Variants in CTNNA2 observed in about 807,000 individuals in gnomAD.
The protein encoded by CTNNA2 is catenin alpha 2, also known as catenin alpha-2.
In CTNNA2, 42 loss-of-function variants were observed where a neutral mutation model predicts 101.0. The ratio of observed to expected loss-of-function variants is 0.42; its 90% confidence interval spans 0.32 to 0.54. The LOEUF is 0.54. Ranked by LOEUF, CTNNA2 falls within the 20% of genes least tolerant of loss-of-function variation. The probability of loss-of-function intolerance (pLI) is 0.14; values close to 1 mark genes in which losing one functional copy is unlikely to be tolerated. For synonymous variants in CTNNA2, 450 were observed against 456.4 expected, an observed-to-expected ratio of 0.99 and a Z score of 0.18; for missense variants, 871 against 1,223.1, an observed-to-expected ratio of 0.71 and a Z score of 4.29.
intron 7 of CTNNA2, among the ~76,000 whole-genome samples, chr2:80,089,698 G>C (rs1233772636): frequency 6.6e-6 from 1 of 151,976 alleles, no homozygotes; most frequent in Non-Finnish European, 1.5e-5. Flanking sequence ...CTCACCCACT[G>C]CCTTCACTAT....
chr2:80,466,473 A>G (rs1684861395), intron 9 of CTNNA2, among the ~76,000 whole-genome samples: 1 of 152,238 alleles, frequency 6.6e-6, no homozygotes, highest in Non-Finnish European at 1.5e-5. Context: ...AAACTTGGCA[A>G]AGCACATTTC....
intron 2 of CTNNA2, among the ~76,000 whole-genome samples, chr2:79,201,471 G>A (rs982310079): frequency 3.3e-5 from 5 of 152,026 alleles, no homozygotes; most frequent in Non-Finnish European, 7.4e-5. Flanking sequence ...AAATGAGCTC[G>A]AATTCCAGAA....
intron 4 of CTNNA2, among the ~76,000 whole-genome samples, chr2:79,503,113 C>T (rs549617562): frequency 6.6e-6 from 1 of 152,212 alleles, no homozygotes; most frequent in East Asian, 1.9e-4. Flanking sequence ...GATTGCTCTG[C>T]CATTTATTTT....
chr2:79,526,363 T>C (rs76506938), intron 1 of CTNNA2, among the ~76,000 whole-genome samples: 1,654 of 152,082 alleles, frequency 0.011, 31 homozygotes, highest in African/African-American at 0.038. Flanking sequence ...AATGGAAATA[T>C]ATGTATGTTC....
intron 9 of CTNNA2, among the ~76,000 whole-genome samples, chr2:80,422,792 T>A (rs1313754737): frequency 6.6e-6 from 1 of 152,184 alleles, no homozygotes; most frequent in Non-Finnish European, 1.5e-5. Context: ...TTCCTTCTAT[T>A]TTTTGGAAGT....
intron 2 of CTNNA2, among the ~76,000 whole-genome samples, chr2:79,288,282 A>G (rs997478547): frequency 6.6e-6 from 1 of 152,060 alleles, no homozygotes; most frequent in Non-Finnish European, 1.5e-5. Flanking sequence ...TTATACTTTT[A>G]TCTTTTTGGT....
At chr2:79,860,861 T>C (rs1297143720) in intron 4 of CTNNA2, among the ~76,000 whole-genome samples, 5 of 152,210 alleles carry the variant, frequency 3.3e-5, no homozygotes, top group East Asian at 1.9e-4. Context: ...TTCTACTCAG[T>C]AGTAGGGAGT....
At chr2:79,223,964 A>T (rs766400543) in intron 2 of CTNNA2, among the ~76,000 whole-genome samples, 4 of 152,224 alleles carry the variant, frequency 2.6e-5, no homozygotes, top group Non-Finnish European at 5.9e-5. Context: ...TTACAGGAAC[A>T]TAATTTTGAA....
intron 3 of CTNNA2, among the ~76,000 whole-genome samples, chr2:79,338,471 G>A (rs761246998): frequency 1.3e-5 from 2 of 151,950 alleles, no homozygotes; most frequent in East Asian, 3.9e-4. Context: ...AAGATGGGAG[G>A]GTGAATGAGA....
At chr2:80,046,583 C>T (rs115496353) in intron 7 of CTNNA2, among the ~76,000 whole-genome samples, 259 of 152,172 alleles carry the variant, frequency 1.7e-3, no homozygotes, top group African/African-American at 5.9e-3. Context: ...TAATTGGAAA[C>T]CCATTATAAA....
intron 1 of CTNNA2, among the ~76,000 whole-genome samples, chr2:79,635,190 C>T (rs1679941212): frequency 6.6e-6 from 1 of 152,046 alleles, no homozygotes; most frequent in African/African-American, 2.4e-5. Context: ...TAGACTTGAA[C>T]TTTTTATTGT....
intron 7 of CTNNA2, among the ~76,000 whole-genome samples, chr2:80,391,484 G>A (rs1249893423): frequency 6.6e-6 from 1 of 152,170 alleles, no homozygotes; most frequent in Non-Finnish European, 1.5e-5. Flanking sequence ...AACTTTTAAT[G>A]TTTGAAAGTA....
chr2:79,723,725 A>G (rs1350420882), intron 2 of CTNNA2, among the ~76,000 whole-genome samples: 1 of 152,156 alleles, frequency 6.6e-6, no homozygotes, highest in Non-Finnish European at 1.5e-5. Flanking sequence ...CAGGAAATGA[A>G]TATATGTGAG....
At chr2:79,729,627 G>A (rs948706104) in intron 2 of CTNNA2, among the ~76,000 whole-genome samples, 8 of 151,996 alleles carry the variant, frequency 5.3e-5, no homozygotes, top group African/African-American at 1.9e-4. Context: ...CCAAATAAAG[G>A]TTCACAAGAA....
At chr2:79,768,582 C>T (rs544784782) in intron 3 of CTNNA2, among the ~76,000 whole-genome samples, 42 of 151,880 alleles carry the variant, frequency 2.8e-4, no homozygotes, top group African/African-American at 1.0e-3. Context: ...CTTTCTGAAT[C>T]AATTAGTCCA....
At chr2:80,071,529 C>T (rs916789716) in intron 7 of CTNNA2, among the ~76,000 whole-genome samples, 7 of 152,318 alleles carry the variant, frequency 4.6e-5, no homozygotes, top group Admixed American at 1.3e-4. Context: ...TCTACTCCTG[C>T]TGTGGGCCCC....
chr2:79,953,332 G>A (rs1438144551), intron 7 of CTNNA2, among the ~76,000 whole-genome samples: 1 of 152,190 alleles, frequency 6.6e-6, no homozygotes, highest in Non-Finnish European at 1.5e-5. Context: ...AATAAATACC[G>A]GTCTTTGCAC....
intron 4 of CTNNA2, among the ~76,000 whole-genome samples, chr2:79,397,552 T>C (rs560238244): frequency 6.6e-6 from 1 of 152,324 alleles, no homozygotes; most frequent in Admixed American, 6.5e-5. Context: ...TTCCTCAAGA[T>C]TCATTCTTTA....
intron 2 of CTNNA2, among the ~76,000 whole-genome samples, chr2:79,254,333 G>A (rs1271391832): frequency 6.6e-6 from 1 of 152,184 alleles, no homozygotes; most frequent in Non-Finnish European, 1.5e-5. Flanking sequence ...TGGAGGTGGG[G>A]CTGGTGGGAA....
Sources: gnomAD v4.1 joint callset for allele counts (sites outside exome capture counted in the v4.1 genomes callset) on GRCh38, gnomAD v4.1.1 for gene constraint, MANE v1.5 for transcripts, NCBI Gene and HGNC (gene_info 2026-07-23, HGNC 2026-07-21) for gene names.